KLF12: variants seen among roughly 807,000 people sequenced by gnomAD.
The protein encoded by KLF12 is Krueppel-like factor 12.
A neutral mutation model predicts 37.8 loss-of-function variants in KLF12; 9 were observed. The observed-to-expected ratio is 0.24, with a 90% confidence interval of 0.14 to 0.42. The LOEUF (loss-of-function observed/expected upper bound fraction) is 0.42. Ranked by LOEUF, KLF12 falls within the 10% of genes least tolerant of loss-of-function variation. The pLI, the probability that KLF12 is intolerant of heterozygous loss-of-function variation, is 1.00. For synonymous variants in KLF12, 208 were observed against 202.1 expected, an observed-to-expected ratio of 1.03 and a Z score of -0.25; for missense variants, 411 against 516.0, an observed-to-expected ratio of 0.80 and a Z score of 1.97.
intron 2 of KLF12, among the ~76,000 whole-genome samples, chr13:73,962,358 GA>G (rs1891045943): frequency 6.6e-6 from 1 of 152,182 alleles, no homozygotes; most frequent in Admixed American, 6.5e-5. Flanking sequence ...GAAGGGCATA[GA>G]AGATTTCTAG....
At chr13:73,913,504 C>A (rs1229691165) in intron 3 of KLF12, among the ~76,000 whole-genome samples, 1 of 152,168 alleles carries the variant, frequency 6.6e-6, no homozygotes, top group African/African-American at 2.4e-5. Flanking sequence ...TGGATCTAAG[C>A]ATGAATAAGA....
At chr13:73,778,133 C>CAAAAAAAAAAAAAAAA (rs781127764) in intron 5 of KLF12, among the ~76,000 whole-genome samples, 1 of 96,094 alleles carries the variant, frequency 1.0e-5, no homozygotes, top group Non-Finnish European at 2.4e-5. Context: ...AAACTCTGTC[C>CAAAAAAAAAAAAAAAA]AAAAAAAAAA....
chr13:74,038,131 C>A (rs545933485), intron 1 of KLF12, among the ~76,000 whole-genome samples: 1 of 152,026 alleles, frequency 6.6e-6, no homozygotes, highest in Non-Finnish European at 1.5e-5. Context: ...GTGGATTATA[C>A]CAATGTCAAT....
chr13:74,107,999 C>T (rs1423654631), intron 1 of KLF12, among the ~76,000 whole-genome samples: 2 of 152,146 alleles, frequency 1.3e-5, no homozygotes, highest in Non-Finnish European at 2.9e-5. Context: ...AATTTCCATT[C>T]CATGCAAATG....
At chr13:74,290,682 T>A in the KLF12 span, among the ~76,000 whole-genome samples, 4 of 151,924 alleles carry the variant, frequency 2.6e-5, no homozygotes, top group Non-Finnish European at 5.9e-5. Context: ...TCTGAGTACT[T>A]CTGGAGAGTT....
At chr13:74,109,183 C>T (rs1876838442) in intron 1 of KLF12, among the ~76,000 whole-genome samples, 2 of 151,940 alleles carry the variant, frequency 1.3e-5, no homozygotes, top group South Asian at 2.1e-4. Context: ...TATAAAAATA[C>T]AAATATGAAA....
chr13:73,816,926 T>G (rs553847695), intron 4 of KLF12, among the ~76,000 whole-genome samples: 1 of 152,306 alleles, frequency 6.6e-6, no homozygotes, highest in South Asian at 2.1e-4. Context: ...ACCAGATGAC[T>G]ACACCATGAG....
At chr13:73,970,704 C>T (rs964420986) in intron 2 of KLF12, among the ~76,000 whole-genome samples, 3 of 152,150 alleles carry the variant, frequency 2.0e-5, no homozygotes, top group Admixed American at 6.6e-5. Context: ...ACAACTTGGC[C>T]GCTAGCCTAT....
intron 1 of KLF12, among the ~76,000 whole-genome samples, chr13:74,047,003 C>A (rs1001517811): frequency 6.6e-6 from 1 of 152,044 alleles, no homozygotes; most frequent in African/African-American, 2.4e-5. Context: ...GGAAAAAAAT[C>A]AAGAAATTAA....
At chr13:73,994,905 G>A (rs1892066386) in intron 2 of KLF12, 85 bp downstream of exon 2, 2 of 853,812 alleles carry the variant, frequency 2.3e-6, no homozygotes, top group Non-Finnish European at 4.1e-6. Flanking sequence ...CACACAAGAA[G>A]GTACTCTAAT....
intron 1 of KLF12, among the ~76,000 whole-genome samples, chr13:74,048,595 A>G (rs1218796362): frequency 1.3e-5 from 2 of 152,212 alleles, no homozygotes; most frequent in East Asian, 1.9e-4. Flanking sequence ...AGTTGCTAAC[A>G]TAAGAATGTG....
the KLF12 span, among the ~76,000 whole-genome samples, chr13:74,163,896 T>TAA: frequency 3.3e-5 from 3 of 90,368 alleles, no homozygotes; most frequent in African/African-American, 8.5e-5. Flanking sequence ...ATTTAAAAAT[T>TAA]AAAAAAAAAG....
intron 1 of KLF12, among the ~76,000 whole-genome samples, chr13:73,997,442 T>A (rs1892152460): frequency 6.6e-6 from 1 of 152,176 alleles, no homozygotes; most frequent in African/African-American, 2.4e-5. Flanking sequence ...CACTTTTTAA[T>A]CAACAGCCTA....
At chr13:74,277,129 C>T in the KLF12 span, among the ~76,000 whole-genome samples, 28 of 152,314 alleles carry the variant, frequency 1.8e-4, no homozygotes, top group South Asian at 5.8e-3. Context: ...TGGTTCTCCT[C>T]TTGCTCCCTA....
At chr13:73,928,131 C>G (rs1026759820) in intron 3 of KLF12, among the ~76,000 whole-genome samples, 1 of 152,242 alleles carries the variant, frequency 6.6e-6, no homozygotes, top group South Asian at 2.1e-4. Flanking sequence ...GCTGGGATTA[C>G]AGGCGTGAGC....
chr13:74,129,380 T>C (rs1878134962), intron 1 of KLF12, among the ~76,000 whole-genome samples: 1 of 152,346 alleles, frequency 6.6e-6, no homozygotes, highest in South Asian at 2.1e-4. Flanking sequence ...CAGGAATTAC[T>C]GTGAAAGGCC....
At chr13:74,260,168 C>G in the KLF12 span, among the ~76,000 whole-genome samples, 1 of 152,068 alleles carries the variant, frequency 6.6e-6, no homozygotes, top group African/African-American at 2.4e-5. Context: ...ACGGAGGTAA[C>G]TGCAAAGTCT....
the KLF12 span, among the ~76,000 whole-genome samples, chr13:74,153,029 T>C: frequency 1.3e-5 from 2 of 152,142 alleles, no homozygotes; most frequent in East Asian, 3.9e-4. Context: ...AATTAAGAGC[T>C]ATTGTTTATT....
chr13:73,873,146 TAA>T (rs1445861845), intron 3 of KLF12, among the ~76,000 whole-genome samples: 1 of 152,060 alleles, frequency 6.6e-6, no homozygotes, highest in Non-Finnish European at 1.5e-5. Flanking sequence ...TATATATATA[TAA>T]ACAACATAAT....
Sources: allele counts gnomAD v4.1 joint callset (sites outside exome capture counted in the v4.1 genomes callset), GRCh38; gene constraint gnomAD v4.1.1; transcripts MANE v1.5; gene names NCBI Gene and HGNC (gene_info 2026-07-23, HGNC 2026-07-21).